EYA2: variants seen among roughly 807,000 people sequenced by gnomAD.
The protein encoded by EYA2 is EYA transcriptional coactivator and phosphatase 2.
A neutral mutation model predicts 69.2 loss-of-function variants in EYA2; 31 were observed. The ratio of observed to expected loss-of-function variants is 0.45; its 90% CI spans 0.34 to 0.60. The LOEUF (loss-of-function observed/expected upper bound fraction) is 0.60, where lower values mean the gene tolerates loss of function less well. Ranked by LOEUF, EYA2 falls within the 20% of genes least tolerant of loss-of-function variation. The pLI is 0.02. For missense variants in EYA2, 622 were observed against 701.2 expected (o/e 0.89, Z 1.28); for synonymous variants, 257 against 279.4 (o/e 0.92, Z 0.80).
intron 4 of EYA2, among the ~76,000 whole-genome samples, chr20:47,007,470 G>A (rs1304681166): frequency 6.6e-6 from 1 of 152,168 alleles, no homozygotes; most frequent in African/African-American, 2.4e-5. Flanking sequence ...GAGCACAATG[G>A]GAGATGAGGT....
intron 1 of EYA2, among the ~76,000 whole-genome samples, chr20:46,973,670 G>A (rs952699320): frequency 1.3e-5 from 2 of 152,046 alleles, no homozygotes; most frequent in South Asian, 4.1e-4. Flanking sequence ...CGTGAACATT[G>A]TTGAGTCTAA....
intron 10 of EYA2, among the ~76,000 whole-genome samples, chr20:47,158,331 C>A (rs544947157): frequency 6.6e-6 from 1 of 152,046 alleles, no homozygotes; most frequent in East Asian, 2.0e-4. Flanking sequence ...GCCTGGTCAA[C>A]ATGATGAAAC....
chr20:46,990,034 C>T lies in EYA2; in HGVS notation c.24C>T (p.Pro8=). 1 of 1,607,528 alleles carries T rather than the reference C, an allele frequency of 6.2e-7. No homozygotes were observed. The highest frequency in any genetic ancestry group is 1.1e-5 in the South Asian group (1 of 90,874). ...AAATGGTAGAACTAGTGATCTCACCCAGCCTCACTGTAAACAGCGATTGTC... is the reference window on the plus strand; with the variant it reads ...AAATGGTAGAACTAGTGATCTCACCTAGCCTCACTGTAAACAGCGATTGTC... MVELVIS[P]SLTVNSDCLD... Residue 8 remains proline, a synonymous_variant, in exon 2 of 16, where the codon CCC becomes CCT. Coordinates refer to ENST00000327619, the MANE Select transcript of EYA2 (RefSeq NM_005244.5).
Position 47,183,282 on chromosome 20 carries a change from T to G in EYA2, c.1436-9T>G, listed in dbSNP as rs1422977229. 6.2e-7 allele frequency: 1 copy of G among 1,613,250 alleles called. No individual in the cohort carries two copies. The highest frequency in any genetic ancestry group is 8.5e-7 in the Non-Finnish European group (1 of 1,179,654). On this transcript the variant is annotated splice_polypyrimidine_tract_variant and intron_variant, in intron 14 of 15. Transcript: ENST00000327619. ...GAGCGTTTTTTCTTTCCTTCCTGTG[T>G]GCGTGCAGGGAAGGAGAGCTGCTTC...
intron 10 of EYA2, among the ~76,000 whole-genome samples, chr20:47,160,271 T>C (rs1177735414): frequency 1.3e-5 from 2 of 152,146 alleles, no homozygotes; most frequent in African/African-American, 2.4e-5. Flanking sequence ...ATAGTAAATA[T>C]TTTTGGCTTT....
chr20:47,058,541 G>A (rs2030743959), intron 5 of EYA2, among the ~76,000 whole-genome samples: 1 of 152,204 alleles, frequency 6.6e-6, no homozygotes, highest in Non-Finnish European at 1.5e-5. Context: ...CAGTAGGAGA[G>A]ATGTGAAGGA....
In EYA2 at chr20:47,172,925, TCAGTGTCCCTGCTGTGC is replaced by T. The variant is rs147058152; in HGVS notation, c.1198+62_1198+78del. Reference sequence around the variant, plus strand: ...GGGAAACTCATTGGGATGGATGCTGTCAGTGTCCCTGCTGTGCCAGGCGCCAGGCAGAGAGGTTCACA... The same window carrying T: ...GGGAAACTCATTGGGATGGATGCTGTCAGGCGCCAGGCAGAGAGGTTCACA... On this transcript the variant is annotated intron_variant, in intron 12 of 15. Coordinates refer to ENST00000327619, the MANE Select transcript of EYA2 (RefSeq NM_005244.5). The T allele has an allele frequency of 4.2e-3, 6,488 of 1,543,758 alleles. 217 individuals carry two copies. In the African/African-American group the frequency reaches 0.076, roughly 18 times the overall value.
At chr20:47,106,264 G>C (rs1303541699) in intron 9 of EYA2, among the ~76,000 whole-genome samples, 2 of 152,198 alleles carry the variant, frequency 1.3e-5, no homozygotes, top group Non-Finnish European at 1.5e-5. Context: ...CTGCCTCCCA[G>C]CTGTAGCCCC....
At chr20:47,000,466 G>A (rs375635622) in intron 2 of EYA2, among the ~76,000 whole-genome samples, 3 of 152,184 alleles carry the variant, frequency 2.0e-5, no homozygotes, top group African/African-American at 4.8e-5. Context: ...TGATGATGAC[G>A]CAGCCACTGC....
intron 5 of EYA2, chr20:47,071,959 C>T (rs546071694): frequency 1.1e-5 from 6 of 568,294 alleles, no homozygotes; most frequent in South Asian, 4.2e-5. Context: ...CCCAGGAGGC[C>T]GTGGTGATGC....
At chr20:47,048,829 T>C (rs977277989) in intron 5 of EYA2, among the ~76,000 whole-genome samples, 1 of 152,188 alleles carries the variant, frequency 6.6e-6, no homozygotes, top group Non-Finnish European at 1.5e-5. Context: ...TATAAATTGC[T>C]GAATCTGTGT....
intron 9 of EYA2, among the ~76,000 whole-genome samples, chr20:47,136,301 A>C (rs2033470413): frequency 6.8e-6 from 1 of 147,556 alleles, no homozygotes; most frequent in Non-Finnish European, 1.5e-5. Flanking sequence ...TTTGAAACTC[A>C]TTCATGTTTG....
intron 9 of EYA2, among the ~76,000 whole-genome samples, chr20:47,108,029 A>T (rs1456006992): frequency 6.6e-6 from 1 of 152,170 alleles, no homozygotes; most frequent in Admixed American, 6.5e-5. Flanking sequence ...AGTTTGAGGG[A>T]CAGCAAGGAG....
chr20:47,140,015 C>T (rs2033561874), intron 9 of EYA2, among the ~76,000 whole-genome samples: 1 of 152,174 alleles, frequency 6.6e-6, no homozygotes, highest in South Asian at 2.1e-4. Context: ...TCTCTGTGTG[C>T]TGGCCTGGGA....
chr20:47,055,114 C>CT (rs2030539918), intron 5 of EYA2, among the ~76,000 whole-genome samples: 1 of 152,182 alleles, frequency 6.6e-6, no homozygotes, highest in Non-Finnish European at 1.5e-5. Context: ...GTGCACACCC[C>CT]TAAAGCAGTC....
intron 10 of EYA2, among the ~76,000 whole-genome samples, chr20:47,149,466 T>C (rs908549972): frequency 6.6e-6 from 1 of 151,926 alleles, no homozygotes. Flanking sequence ...TCCTCTTGGT[T>C]AAAATGGCAG....
intron 8 of EYA2, among the ~76,000 whole-genome samples, chr20:47,091,423 A>G (rs2032081068): frequency 6.6e-6 from 1 of 152,082 alleles, no homozygotes; most frequent in South Asian, 2.1e-4. Flanking sequence ...ATTTGCTACA[A>G]TTCTTTGGTT....
intron 5 of EYA2, among the ~76,000 whole-genome samples, chr20:47,058,386 G>A (rs1445393103): frequency 6.6e-6 from 1 of 152,234 alleles, no homozygotes; most frequent in Non-Finnish European, 1.5e-5. Context: ...TTGGGACCCA[G>A]TGGTCCCACT....
intron 11 of EYA2, 76 bp downstream of exon 11, chr20:47,169,273 G>A: frequency 1.4e-6 from 2 of 1,442,516 alleles, no homozygotes; most frequent in Middle Eastern, 3.5e-4. Flanking sequence ...TAGGAAGTGG[G>A]GTGGGAGAGG....
Sources: gnomAD v4.1 joint callset for allele counts (sites outside exome capture counted in the v4.1 genomes callset) on GRCh38, gnomAD v4.1.1 for gene constraint, MANE v1.5 for transcripts, NCBI Gene and HGNC (gene_info 2026-07-23, HGNC 2026-07-21) for gene names.